Variants in CTNND2 observed in about 807,000 individuals in gnomAD.
CTNND2 encodes the protein catenin delta 2.
CTNND2 carries 22 observed loss-of-function variants against 144.4 expected under a neutral mutation model. That is an observed-to-expected ratio of 0.15 (90% confidence interval 0.11 to 0.22). The LOEUF is 0.22. Ranked by LOEUF, CTNND2 falls within the 10% of genes least tolerant of loss-of-function variation. The probability of loss-of-function intolerance (pLI) is 1.00; values close to 1 mark genes in which losing one functional copy is unlikely to be tolerated. For synonymous variants in CTNND2, 751 were observed against 695.6 expected (o/e 1.08, Z -1.25); for missense variants, 1,353 against 1,618.8 (o/e 0.84, Z 2.82).
At position 11,789,934 on chromosome 5, in the gene CTNND2, A is replaced by G. The variant is rs372215924; in HGVS notation, c.38-57662T>C. 7.9e-5 allele frequency among the ~76,000 whole-genome samples: 12 copies of G among 152,346 alleles called. No homozygotes were observed. The East Asian group carries it at 2.3e-3, about 29-fold the overall frequency. On this transcript the variant is annotated intron_variant, in intron 1 of 21. Transcript: ENST00000304623. Reference sequence around the variant, plus strand: ...CAAGATTGGGTATTACACGTTATCAAATGTATGTTGAACATCTGCTGAGAT... The same window carrying G: ...CAAGATTGGGTATTACACGTTATCAGATGTATGTTGAACATCTGCTGAGAT...
chr5:11,492,130 C>T (rs1018699887), intron 3 of CTNND2, among the ~76,000 whole-genome samples: 9 of 152,150 alleles, frequency 5.9e-5, no homozygotes, highest in African/African-American at 1.7e-4. Flanking sequence ...TCCCATATAT[C>T]GCTTTATGAT....
In CTNND2 at chr5:11,045,626, G is replaced by A. The variant is rs551067464; in HGVS notation, c.2789-22647C>T. 1.2e-4 allele frequency among the ~76,000 whole-genome samples: 19 copies of A among 152,040 alleles called. No individual in the cohort carries two copies. In the East Asian group the frequency reaches 1.4e-3, roughly 11 times the overall value. Reference sequence around the variant, plus strand: ...ACCCTCACATGGCCTTCTCCTCTGCGTCTGTGTCATCTCCTCTTGTGTCTC... The same window carrying A: ...ACCCTCACATGGCCTTCTCCTCTGCATCTGTGTCATCTCCTCTTGTGTCTC... On this transcript the variant is annotated intron_variant, in intron 16 of 21. Coordinates refer to ENST00000304623, the MANE Select transcript of CTNND2 (RefSeq NM_001332.4).
chr5:11,672,717 G>T (rs750517765), intron 2 of CTNND2, among the ~76,000 whole-genome samples: 2 of 152,110 alleles, frequency 1.3e-5, no homozygotes, highest in Non-Finnish European at 2.9e-5. Flanking sequence ...GGCTCCATAG[G>T]GGTGGGACCC....
chr5:11,673,451 C>T (rs1048923525), intron 2 of CTNND2, among the ~76,000 whole-genome samples: 1 of 151,952 alleles, frequency 6.6e-6, no homozygotes, highest in Non-Finnish European at 1.5e-5. Context: ...AGAAAATCTG[C>T]TTTAATGGTT....
At chr5:11,508,179 G>C (rs1771262769) in intron 3 of CTNND2, among the ~76,000 whole-genome samples, 1 of 152,158 alleles carries the variant, frequency 6.6e-6, no homozygotes, top group Non-Finnish European at 1.5e-5. Context: ...ACTGTAAACA[G>C]CTGGTCTCTT....
At chr5:11,031,252 G>C (rs2036378887) in intron 16 of CTNND2, among the ~76,000 whole-genome samples, 1 of 152,278 alleles carries the variant, frequency 6.6e-6, no homozygotes, top group Middle Eastern at 3.4e-3. Flanking sequence ...CTGTGTTTGT[G>C]TCACTGTAGT....
chr5:11,718,723 T>C (rs1305946954), intron 2 of CTNND2, among the ~76,000 whole-genome samples: 2 of 152,304 alleles, frequency 1.3e-5, no homozygotes, highest in East Asian at 3.9e-4. Flanking sequence ...TTGAAACGCC[T>C]CCTGCACTCT....
chr5:11,594,524 T>C (rs1230648416), intron 2 of CTNND2, among the ~76,000 whole-genome samples: 1 of 152,246 alleles, frequency 6.6e-6, no homozygotes, highest in African/African-American at 2.4e-5. Context: ...TGTTGCCAAT[T>C]TCCTTTTTAA....
At chr5:11,343,868 C>G (rs907815441) in intron 9 of CTNND2, among the ~76,000 whole-genome samples, 4 of 152,070 alleles carry the variant, frequency 2.6e-5, no homozygotes, top group Non-Finnish European at 4.4e-5. Flanking sequence ...AAAATGTTAA[C>G]AAATTCTCTT....
chr5:11,531,132 G>A (rs1305760243), intron 3 of CTNND2, among the ~76,000 whole-genome samples: 1 of 152,216 alleles, frequency 6.6e-6, no homozygotes, highest in African/African-American at 2.4e-5. Flanking sequence ...TACAAAAGGT[G>A]TGGTCAGGCA....
At chr5:11,207,634 G>T (rs1188991312) in intron 10 of CTNND2, among the ~76,000 whole-genome samples, 2 of 152,074 alleles carry the variant, frequency 1.3e-5, no homozygotes, top group East Asian at 1.9e-4. Flanking sequence ...TTAAGCAGAG[G>T]TCTCTCCTTA....
At chr5:11,598,887 A>G (rs1343503208) in intron 2 of CTNND2, among the ~76,000 whole-genome samples, 1 of 150,776 alleles carries the variant, frequency 6.6e-6, no homozygotes, top group Non-Finnish European at 1.5e-5. Flanking sequence ...GTAATCTATT[A>G]AAAAAAAGAT....
At chr5:11,810,300 G>A (rs756550699) in intron 1 of CTNND2, among the ~76,000 whole-genome samples, 1 of 152,092 alleles carries the variant, frequency 6.6e-6, no homozygotes, top group Non-Finnish European at 1.5e-5. Context: ...CAATGCCTGT[G>A]ACACAGACCT....
chr5:11,022,734 C>T (rs1742400486), intron 17 of CTNND2, 35 bp downstream of exon 17: 12 of 1,569,680 alleles, frequency 7.6e-6, no homozygotes, highest in African/African-American at 1.3e-5. Context: ...ACCAATTTTA[C>T]CAGGACAGAG....
intron 11 of CTNND2, among the ~76,000 whole-genome samples, chr5:11,197,940 T>A (rs1737039444): frequency 6.6e-6 from 1 of 152,220 alleles, no homozygotes; most frequent in African/African-American, 2.4e-5. Flanking sequence ...AAATCATAAA[T>A]GAATCCATAC....
At chr5:11,171,966 G>T (rs1378743588) in intron 11 of CTNND2, among the ~76,000 whole-genome samples, 2 of 152,290 alleles carry the variant, frequency 1.3e-5, no homozygotes, top group Non-Finnish European at 1.5e-5. Flanking sequence ...GAGTAAAAAA[G>T]TTCAACAACA....
intron 5 of CTNND2, among the ~76,000 whole-genome samples, chr5:11,399,627 T>C (rs1442240893): frequency 6.6e-6 from 1 of 152,242 alleles, no homozygotes; most frequent in African/African-American, 2.4e-5. Context: ...AGAATATATA[T>C]GATAGAATAA....
Position 11,813,685 on chromosome 5 carries a change from G to A in CTNND2, c.38-81413C>T, listed in dbSNP as rs534670715. ...TATTATCTATTTATGTATTTATTTA[G>A]AAATTTTTTGTAGAGACAGGGTCTC... On this transcript the variant is annotated intron_variant, in intron 1 of 21. Coordinates refer to ENST00000304623, the MANE Select transcript of CTNND2 (RefSeq NM_001332.4). Among the ~76,000 whole-genome samples the A allele has an allele frequency of 7.2e-5, 11 of 152,126 alleles. No homozygotes were observed. The South Asian group carries it at 2.3e-3, about 32-fold the overall frequency.
At chr5:11,207,776 A>T (rs1291923986) in intron 10 of CTNND2, among the ~76,000 whole-genome samples, 1 of 152,198 alleles carries the variant, frequency 6.6e-6, no homozygotes, top group South Asian at 2.1e-4. Flanking sequence ...ACTCTGAGAA[A>T]ACCTGCCACT....
Sources: allele counts gnomAD v4.1 joint callset (sites outside exome capture counted in the v4.1 genomes callset), GRCh38; gene constraint gnomAD v4.1.1; transcripts MANE v1.5; gene names NCBI Gene and HGNC (gene_info 2026-07-23, HGNC 2026-07-21).